SENP8: variants seen among roughly 807,000 people sequenced by gnomAD.
SENP8 encodes sentrin-specific protease 8.
A neutral mutation model predicts 14.4 loss-of-function variants in SENP8; 10 were observed. The observed-to-expected ratio is 0.69, with a 90% CI of 0.43 to 1.18. SENP8 has a LOEUF of 1.18. Among genes scored for constraint, SENP8 ranks in the 50% most tolerant of loss-of-function variants. The probability of loss-of-function intolerance (pLI) is 0.00; values close to 1 mark genes in which losing one functional copy is unlikely to be tolerated. For synonymous variants in SENP8, 94 were observed against 95.5 expected, an observed-to-expected ratio of 0.98 and a Z score of 0.09; for missense variants, 202 against 249.4, an observed-to-expected ratio of 0.81 and a Z score of 1.28.
At chr15:72,122,157 G>A (rs1424230411) in intron 1 of SENP8, among the ~76,000 whole-genome samples, 1 of 151,708 alleles carries the variant, frequency 6.6e-6, no homozygotes, top group Non-Finnish European at 1.5e-5. Context: ...GCAAAAGAAT[G>A]GGAGGTCCTC....
At position 72,129,571 on chromosome 15, in the gene SENP8, T is replaced by A. The variant is rs2081252879; in HGVS notation, c.-47-10006T>A. Among the ~76,000 whole-genome samples, 3 of 150,276 alleles carry A rather than the reference T, an allele frequency of 2.0e-5. No homozygotes were observed. The South Asian group carries it at 6.3e-4, about 32-fold the overall frequency. ...TTTTTTTTTTTAGTAGAGACTGGGT[T>A]TCTCCATGTTGGTCAGGCTGGTGTC... On this transcript the variant is annotated intron_variant, in intron 1 of 1. Coordinates refer to ENST00000340912, the MANE Select transcript of SENP8 (RefSeq NM_145204.4).
intron 1 of SENP8, among the ~76,000 whole-genome samples, chr15:72,137,213 A>G (rs919451654): frequency 6.6e-6 from 1 of 151,970 alleles, no homozygotes; most frequent in Non-Finnish European, 1.5e-5. Flanking sequence ...TCTCTAGGGT[A>G]TGTAAGGTGG....
At chr15:72,128,142 A>T (rs2081238450) in intron 1 of SENP8, among the ~76,000 whole-genome samples, 1 of 152,058 alleles carries the variant, frequency 6.6e-6, no homozygotes, top group Non-Finnish European at 1.5e-5. Context: ...GGAGGGGAAG[A>T]AGAAAAAACA....
chr15:72,130,087 G>A (rs1048511947), intron 1 of SENP8, among the ~76,000 whole-genome samples: 8 of 152,116 alleles, frequency 5.3e-5, no homozygotes, highest in African/African-American at 1.9e-4. Flanking sequence ...CTACCTGGGA[G>A]GCTGAGGCAG....
chr15:72,139,487 A>G (rs2081359226), intron 1 of SENP8, 90 bp from the exon 2 acceptor site: 6 of 1,262,290 alleles, frequency 4.8e-6, no homozygotes, highest in Non-Finnish European at 6.6e-6. Context: ...TCAACTGTGT[A>G]TTTTTTTACC....
chr15:72,138,964 CA>C (rs71133960), intron 1 of SENP8, among the ~76,000 whole-genome samples: 630 of 42,858 alleles, frequency 0.015, 4 homozygotes, highest in South Asian at 0.053. Context: ...GACTCCATCT[CA>C]AAAAAAAAAA....
At chr15:72,139,245 C>CG (rs1469916415) in intron 1 of SENP8, 1 of 172,358 alleles carries the variant, frequency 5.8e-6, no homozygotes, top group Non-Finnish European at 1.2e-5. Flanking sequence ...TGCATTCTTA[C>CG]GAAAAAGTAA....
rs1185524361 is a variant in SENP8, at chr15:72,139,566, T to C, written c.-47-11T>C. On this transcript the variant is annotated splice_polypyrimidine_tract_variant and intron_variant, in intron 1 of 1. Coordinates refer to ENST00000340912, the MANE Select transcript of SENP8 (RefSeq NM_145204.4). ...AGTCAGGTATTTATTGACAATAATA[T>C]TGTCTTCTAGCTCTTGTTCAGCTTC... The C allele has an allele frequency of 6.4e-7, 1 of 1,552,588 alleles. No homozygotes were observed. The highest frequency in any genetic ancestry group is 8.7e-7 in the Non-Finnish European group (1 of 1,150,592).
rs1314649175 is a variant in SENP8 at position 72,140,340 on chromosome 15, G to A, written c.*78G>A. 8 of 1,028,140 alleles carry A rather than the reference G, an allele frequency of 7.8e-6. No individual in the cohort carries two copies. The highest frequency in any genetic ancestry group is 3.2e-5 in the African/African-American group (2 of 62,792). 63.7% of individuals were successfully genotyped at this position (1,028,140 alleles called of 1,614,324 possible). A position where few individuals can be genotyped will look rare whatever the true frequency, so the allele number is the denominator to read the frequency against. On this transcript the variant is annotated 3_prime_UTR_variant, in exon 2 of 2. Coordinates refer to ENST00000340912, the MANE Select transcript of SENP8 (RefSeq NM_145204.4). Reference sequence around the variant, plus strand: ...TTTGTTGGATGGCTGCAATCTCAGTGCCTGAGGGAAGATGCCTAGTAGAGG... The same window carrying A: ...TTTGTTGGATGGCTGCAATCTCAGTACCTGAGGGAAGATGCCTAGTAGAGG...
intron 1 of SENP8, among the ~76,000 whole-genome samples, chr15:72,121,933 C>T (rs772980069): frequency 2.6e-5 from 4 of 152,344 alleles, no homozygotes; most frequent in Non-Finnish European, 2.9e-5. Context: ...TCTAATAAAG[C>T]AATGGCCTTA....
chr15:72,137,702 G>A (rs2081339836), intron 1 of SENP8, among the ~76,000 whole-genome samples: 1 of 152,208 alleles, frequency 6.6e-6, no homozygotes. Context: ...GCCAGGCGCG[G>A]TGGCTCACGT....
At chr15:72,115,385 C>G (rs2080933995), upstream of SENP8, among the ~76,000 whole-genome samples, 1 of 152,134 alleles carries the variant, frequency 6.6e-6, no homozygotes, top group Admixed American at 6.6e-5. Context: ...CACAAATTAA[C>G]CCCTCTATCC....
chr15:72,125,462 T>A (rs2081208176), intron 1 of SENP8, among the ~76,000 whole-genome samples: 1 of 152,116 alleles, frequency 6.6e-6, no homozygotes, highest in African/African-American at 2.4e-5. Flanking sequence ...TTTTTTTTAC[T>A]TTTTAACATT....
upstream of SENP8, chr15:72,114,381 A>G (rs2080891350): frequency 6.6e-6 from 1 of 152,270 alleles, no homozygotes; most frequent in Admixed American, 6.5e-5. Flanking sequence ...TTAAAATAAG[A>G]TAGAGGCAAC....
chr15:72,129,726 C>T (rs1314231733), intron 1 of SENP8, among the ~76,000 whole-genome samples: 6 of 150,572 alleles, frequency 4.0e-5, no homozygotes, highest in African/African-American at 1.5e-4. Flanking sequence ...ACCTGTGGTC[C>T]CAGCTACTTA....
At position 72,143,528 on chromosome 15, in the gene SENP8, C is replaced by G. The variant is rs2081393173; in HGVS notation, c.*3266C>G. 6.6e-6 allele frequency: 1 copy of G among 152,074 alleles called. No homozygotes were observed. The highest frequency in any genetic ancestry group is 1.5e-5 in the Non-Finnish European group (1 of 68,028). The allele number at this position is 152,074 out of a possible 1,614,324, so 9.4% of individuals were successfully genotyped here. On this transcript the variant is annotated 3_prime_UTR_variant, in exon 2 of 2. Coordinates refer to ENST00000340912, the MANE Select transcript of SENP8 (RefSeq NM_145204.4). ...TTTATGCACACATATTACACAAGTA[C>G]CTTGCATATTATATATGCATCATTA...
rs752747013 is a variant in SENP8 at position 72,139,840 on chromosome 15, ATGTT to A, written c.218_221del (p.Met73ThrfsTer15). 6 of 1,614,248 alleles carry A rather than the reference ATGTT, an allele frequency of 3.7e-6. No individual in the cohort carries two copies. Among genetic ancestry groups the A allele is most frequent in the Non-Finnish European group, 5.1e-6 (6 of 1,180,048 alleles). On this transcript the variant is annotated frameshift_variant, in exon 2 of 2. Coordinates refer to ENST00000340912, the MANE Select transcript of SENP8 (RefSeq NM_145204.4). LOFTEE classifies it high-confidence loss of function. Reference sequence around the variant, plus strand: ...CACTAGCAACCCAGCAGAGATTGCCATGTTCCTTGAACCACTGGACCTCCCCAAC... The same window carrying A: ...CACTAGCAACCCAGCAGAGATTGCCACCTTGAACCACTGGACCTCCCCAAC...
At chr15:72,139,270 T>G (rs963305092) in intron 1 of SENP8, 1 of 185,414 alleles carries the variant, frequency 5.4e-6, no homozygotes, top group Admixed American at 5.7e-5. Flanking sequence ...GGGGAAAATA[T>G]TAAGAAAATC....
chr15:72,135,671 T>C (rs1199820585), intron 1 of SENP8, among the ~76,000 whole-genome samples: 1 of 152,232 alleles, frequency 6.6e-6, no homozygotes, highest in African/African-American at 2.4e-5. Context: ...CTTGCTGTCA[T>C]GCTGTATGGA....
Sources: gnomAD v4.1 joint callset for allele counts (sites outside exome capture counted in the v4.1 genomes callset) on GRCh38, gnomAD v4.1.1 for gene constraint, MANE v1.5 for transcripts, NCBI Gene and HGNC (gene_info 2026-07-23, HGNC 2026-07-21) for gene names.